CCDC51: variants seen among roughly 807,000 people sequenced by gnomAD.
CCDC51 encodes mitochondrial potassium channel.
In CCDC51, 25 loss-of-function variants were observed where a neutral mutation model predicts 24.8. That is an observed-to-expected ratio of 1.01 (90% CI 0.73 to 1.41). The LOEUF is 1.41. Among genes scored for constraint, CCDC51 ranks in the 40% most tolerant of loss-of-function variants. The pLI, the probability that CCDC51 is intolerant of heterozygous loss-of-function variation, is 0.00. For missense variants in CCDC51, 466 were observed against 519.1 expected (o/e 0.90, Z 0.99); for synonymous variants, 190 against 204.3 (o/e 0.93, Z 0.60).
chr3:48,440,239 G>A, upstream of CCDC51: 3 of 1,564,134 alleles, frequency 1.9e-6, no homozygotes, highest in Non-Finnish European at 2.6e-6. Context: ...CTACGACAAA[G>A]GGTGGGGCAG....
At position 48,432,830 on chromosome 3, in the gene CCDC51, G is replaced by A. The variant is rs1481779814; in HGVS notation, c.814C>T (p.Leu272=). ...TGCCCTGGCCCAGCAGCATGTACCA[G>A]GCCCCTCAGGTCCACCATGAGATTG... The part of the protein sequence containing the change: ...LHNLMVDLRG[L]VHAAGPGQDS... The change falls in exon 4 of 4, where the codon CTG becomes TTG. Residue 272 remains leucine (L), a synonymous_variant. Coordinates refer to ENST00000395694, the MANE Select transcript of CCDC51 (RefSeq NM_001256964.2). 1 of 1,613,692 alleles carries A rather than the reference G, an allele frequency of 6.2e-7. No individual in the cohort carries two copies. The highest frequency in any genetic ancestry group is 8.5e-7 in the Non-Finnish European group (1 of 1,179,726).
At chr3:48,440,911 C>G, upstream of CCDC51, 1 of 513,152 alleles carries the variant, frequency 1.9e-6, no homozygotes, top group South Asian at 2.5e-5. Flanking sequence ...CGCAGATTCA[C>G]AGTTAAGTTT....
At chr3:48,440,791 A>G, upstream of CCDC51, 1 of 673,162 alleles carries the variant, frequency 1.5e-6, no homozygotes, top group South Asian at 1.9e-5. Context: ...TTGCAGCGGC[A>G]GTAAGGGCCG....
At chr3:48,442,666 G>A (rs1362324559), upstream of CCDC51, among the ~76,000 whole-genome samples, 2 of 151,704 alleles carry the variant, frequency 1.3e-5, no homozygotes, top group Non-Finnish European at 2.9e-5. Flanking sequence ...TGGCCAGGAT[G>A]GTCTCGATCT....
upstream of CCDC51, among the ~76,000 whole-genome samples, chr3:48,444,399 A>G (rs918345108): frequency 2.0e-5 from 3 of 152,132 alleles, no homozygotes; most frequent in Non-Finnish European, 4.4e-5. Context: ...TGGCCTCCCA[A>G]GTAGCTGTGG....
Position 48,433,154 on chromosome 3 carries a change from G to A in CCDC51, c.490C>T (p.Leu164Phe), listed in dbSNP as rs764143513. The A allele has an allele frequency of 1.2e-6, 2 of 1,611,090 alleles. No homozygotes were observed. Among genetic ancestry groups the A allele is most frequent in the East Asian group, 2.2e-5 (1 of 44,808 alleles). The change falls in exon 4 of 4, where the codon CTT becomes TTT. Residue 164 changes from leucine (L) to phenylalanine (F), a missense_variant. Transcript: ENST00000395694. This position sits in a 1 kb window ranked among gnomAD's most constrained non-coding sequence, Gnocchi z 4.4. ...EHRMLQEEKR[L>F]RTAYLRAEDS... ...TCTGCACGCAGATAGGCTGTGCGAA[G>A]CCTCTTCTCCTCCTGCAGAAGCAAA...
upstream of CCDC51, among the ~76,000 whole-genome samples, chr3:48,444,844 C>T (rs906942780): frequency 2.0e-5 from 3 of 152,168 alleles, no homozygotes; most frequent in African/African-American, 4.8e-5. Flanking sequence ...CCCCAGCCCA[C>T]TTGCTGGTGG....
chr3:48,439,624 C>T (rs1264430679), intron 1 of CCDC51, among the ~76,000 whole-genome samples: 2 of 151,920 alleles, frequency 1.3e-5, no homozygotes, highest in African/African-American at 2.4e-5. Flanking sequence ...AAGAGCAAGA[C>T]TCCATCTCGG....
rs1209492166 is a variant in CCDC51 at position 48,432,738 on chromosome 3, G to T, written c.906C>A (p.Ala302=). 1.9e-6 allele frequency: 3 copies of T among 1,614,156 alleles called. No homozygotes were observed. Among genetic ancestry groups the T allele is most frequent in the Non-Finnish European group, 2.5e-6 (3 of 1,180,008 alleles). The change falls in exon 4 of 4, where the codon GCC becomes GCA. Residue 302 remains alanine, a synonymous_variant. Coordinates refer to ENST00000395694, the MANE Select transcript of CCDC51 (RefSeq NM_001256964.2). ...RDRDVDVLSA[A]LKEQLSHSRQ... is the part of the protein sequence containing the mutation. ...TGGAATGACTAAGCTGCTCTTTCAA[G>T]GCAGCTGAAAGGACATCTACATCTC...
rs1009473966 is a variant in CCDC51, at chr3:48,437,938, C to G, written c.-9+2050G>C. On this transcript the variant is annotated intron_variant, in intron 1 of 3. Transcript: ENST00000395694. This position sits in a 1 kb window ranked among gnomAD's most constrained non-coding sequence, Gnocchi z 4.2. ...CTCAGTAATTGATCTGACACCCCCC[C>G]ACCAGCAACTGCCCCATTTCTTTGG... 1.3e-5 allele frequency: 2 copies of G among 152,184 alleles called. No individual in the cohort carries two copies. Among genetic ancestry groups the G allele is most frequent in the African/African-American group, 4.8e-5 (2 of 41,396 alleles). 9.4% of individuals were successfully genotyped at this position (152,184 alleles called of 1,614,324 possible).
Position 48,432,516 on chromosome 3 carries a change from C to T in CCDC51, c.1128G>A (p.Gln376=), listed in dbSNP as rs1199384408. The change falls in exon 4 of 4, where the codon CAG becomes CAA. Residue 376 remains glutamine (Q), a synonymous_variant. Coordinates refer to ENST00000395694, the MANE Select transcript of CCDC51 (RefSeq NM_001256964.2). ...SMILALSDTE[Q]RLEAQVNRNT... The stretch of plus-strand genomic sequence containing the variant: ...TCCTGTTGACTTGGGCTTCTAGTCT[C>T]TGCTCCGTGTCTGACAGTGCCAAGA... 1.9e-6 allele frequency: 3 copies of T among 1,614,218 alleles called. No homozygotes were observed. The highest frequency in any genetic ancestry group is 1.7e-4 in the Middle Eastern group (1 of 6,060).
upstream of CCDC51, among the ~76,000 whole-genome samples, chr3:48,443,034 G>A (rs1448874823): frequency 2.0e-5 from 3 of 151,834 alleles, no homozygotes. Context: ...GAGGTCTGGA[G>A]TTCGAGACCT....
rs13062723 is a variant in CCDC51 at position 48,435,021 on chromosome 3, G to C, written c.108C>G (p.Leu36=). 2,773 of 1,614,028 alleles carry C rather than the reference G, an allele frequency of 1.7e-3. 53 individuals are homozygous for C. The African/African-American group carries it at 0.033, about 19-fold the overall frequency. ...CGGGCTGGCTTGGGCCTGGGCTGCA[G>C]AGAGTCCTGGTCATGAAGAGGTCCC... ...LGRDLFMTRT[L]CSPGPSQPGE... The change falls in exon 2 of 4, where the codon CTC becomes CTG. Residue 36 remains leucine, a synonymous_variant. Transcript: ENST00000395694. This position sits in a 1 kb window ranked among gnomAD's most constrained non-coding sequence, Gnocchi z 4.2.
At chr3:48,434,581 C>A (rs1034684605) in intron 2 of CCDC51, among the ~76,000 whole-genome samples, 8 of 152,198 alleles carry the variant, frequency 5.3e-5, no homozygotes, top group Non-Finnish European at 1.2e-4. Context: ...TATTTGCTGG[C>A]CTCACAGAGT....
upstream of CCDC51, among the ~76,000 whole-genome samples, chr3:48,444,430 G>C (rs558776969): frequency 6.6e-5 from 10 of 152,182 alleles, 1 homozygote; most frequent in East Asian, 1.7e-3. Flanking sequence ...CCGCCACCAT[G>C]CCTAGCTAAT....
Position 48,433,244 on chromosome 3 carries a change from AC to A in CCDC51, c.478-79del. 7.3e-7 allele frequency: 1 copy of A among 1,366,088 alleles called. No homozygotes were observed. The highest frequency in any genetic ancestry group is 1.0e-6 in the Non-Finnish European group (1 of 984,464). The allele number at this position is 1,366,088 out of a possible 1,614,324, so 84.6% of individuals were successfully genotyped here. A position where few individuals can be genotyped will look rare whatever the true frequency, so the allele number is the denominator to read the frequency against. On this transcript the variant is annotated intron_variant, in intron 3 of 3. Coordinates refer to ENST00000395694, the MANE Select transcript of CCDC51 (RefSeq NM_001256964.2). The surrounding 1 kb of genome is among the most constrained non-coding windows in gnomAD (Gnocchi z 4.4). ...AGCTATAGCCACCAGCAGATGGCTC[AC>A]TACCTTGTGCCTGGCAGAGTACATG...
At position 48,435,032 on chromosome 3, in the gene CCDC51, T is replaced by A. The variant is rs1313224150; in HGVS notation, c.97A>T (p.Thr33Ser). The change falls in exon 2 of 4, where the codon ACC becomes TCC. Residue 33 changes from threonine to serine, a missense_variant. Thr to Ser is a moderately conservative substitution (Grantham distance 58). Transcript: ENST00000395694. This position sits in a 1 kb window ranked among gnomAD's most constrained non-coding sequence, Gnocchi z 4.2. The part of the protein sequence containing the change: ...RGLLGRDLFM[T>S]RTLCSPGPSQ... ...GGGCCTGGGCTGCAGAGAGTCCTGG[T>A]CATGAAGAGGTCCCTTCCAAGGAGG... 2 of 1,613,998 alleles carry A rather than the reference T, an allele frequency of 1.2e-6. No individual in the cohort carries two copies. The highest frequency in any genetic ancestry group is 2.7e-5 in the African/African-American group (2 of 74,932).
upstream of CCDC51, among the ~76,000 whole-genome samples, chr3:48,441,973 A>G (rs1156827004): frequency 6.6e-6 from 1 of 152,236 alleles, no homozygotes; most frequent in African/African-American, 2.4e-5. Context: ...GAATGGGCTG[A>G]CCATAATCCA....
chr3:48,443,189 C>CAAAATTGCA (rs1232784224), upstream of CCDC51, among the ~76,000 whole-genome samples: 1 of 140,426 alleles, frequency 7.1e-6, no homozygotes, highest in Admixed American at 7.7e-5. Context: ...TGCAGTGAGC[C>CAAAATTGCA]AAAATTGCAC....
Sources: allele counts gnomAD v4.1 joint callset (sites outside exome capture counted in the v4.1 genomes callset), GRCh38; gene constraint gnomAD v4.1.1; non-coding constraint Gnocchi (gnomAD v3.1); transcripts MANE v1.5; gene names NCBI Gene and HGNC (gene_info 2026-07-23, HGNC 2026-07-21).